The following GRIK4 variants were observed in gnomAD, a reference collection of about 807,000 sequenced individuals.
GRIK4 encodes the protein glutamate ionotropic receptor kainate type subunit 4.
In GRIK4, 40 loss-of-function variants were observed where a neutral mutation model predicts 104.9. The ratio of observed to expected loss-of-function variants is 0.38; its 90% CI spans 0.30 to 0.50. The LOEUF (loss-of-function observed/expected upper bound fraction) is 0.50. GRIK4 is among the 20% of genes least tolerant of loss of function. GRIK4 has a pLI of 0.93. For missense variants in GRIK4, 1,047 were observed against 1,308.1 expected, an observed-to-expected ratio of 0.80 and a Z score of 3.08; for synonymous variants, 485 against 524.9, an observed-to-expected ratio of 0.92 and a Z score of 1.04.
intron 3 of GRIK4, among the ~76,000 whole-genome samples, chr11:120,770,695 C>G (rs1951924841): frequency 6.6e-6 from 1 of 152,204 alleles, no homozygotes. Flanking sequence ...CCCTGCCAAA[C>G]TCATGTATAC....
intron 1 of GRIK4, among the ~76,000 whole-genome samples, chr11:120,547,309 C>T (rs2136092525): frequency 6.6e-6 from 1 of 152,318 alleles, no homozygotes; most frequent in South Asian, 2.1e-4. Flanking sequence ...AGGCCAGAGA[C>T]CTTGCCTTGG....
chr11:120,815,688 G>A (rs972864887), intron 5 of GRIK4, among the ~76,000 whole-genome samples: 1 of 152,156 alleles, frequency 6.6e-6, no homozygotes, highest in Non-Finnish European at 1.5e-5. Flanking sequence ...TTGACAGCAG[G>A]AATCTGAAGC....
At chr11:120,703,524 G>A (rs1035971525) in intron 3 of GRIK4, among the ~76,000 whole-genome samples, 1 of 151,818 alleles carries the variant, frequency 6.6e-6, no homozygotes. Context: ...GCCCAACCCA[G>A]GCTGTAAGGT....
chr11:120,517,175 T>C (rs1363131644), intron 1 of GRIK4, among the ~76,000 whole-genome samples: 1 of 149,218 alleles, frequency 6.7e-6, no homozygotes, highest in Non-Finnish European at 1.5e-5. Flanking sequence ...CCTTGTCCGC[T>C]TTGTTCACTG....
intron 1 of GRIK4, among the ~76,000 whole-genome samples, chr11:120,540,114 T>A (rs972545291): frequency 6.6e-6 from 1 of 151,936 alleles, no homozygotes; most frequent in Non-Finnish European, 1.5e-5. Flanking sequence ...CTCTTCCAGG[T>A]CTCTAGGGAG....
chr11:120,539,665 T>C (rs568689082), intron 1 of GRIK4, among the ~76,000 whole-genome samples: 1 of 152,328 alleles, frequency 6.6e-6, no homozygotes, highest in South Asian at 2.1e-4. Context: ...CAATATGTCT[T>C]TAAACTGGTT....
At chr11:120,802,500 A>C (rs1952638765) in intron 3 of GRIK4, among the ~76,000 whole-genome samples, 193 bp from the exon 4 acceptor site, 2 of 152,246 alleles carry the variant, frequency 1.3e-5, no homozygotes, top group South Asian at 4.2e-4. Context: ...TCACTTCTAC[A>C]CCTGGCTGCA....
chr11:120,534,892 A>G (rs1947957472), intron 1 of GRIK4, among the ~76,000 whole-genome samples: 1 of 152,130 alleles, frequency 6.6e-6, no homozygotes, highest in African/African-American at 2.4e-5. Context: ...TAGGGTGACC[A>G]ACCATCCTGG....
At chr11:120,832,568 G>A (rs1194140500) in intron 7 of GRIK4, among the ~76,000 whole-genome samples, 1 of 152,168 alleles carries the variant, frequency 6.6e-6, no homozygotes, top group African/African-American at 2.4e-5. Flanking sequence ...TCACAGAAGA[G>A]GGAACTGAGA....
chr11:120,517,676 C>T (rs77426942), intron 1 of GRIK4, among the ~76,000 whole-genome samples: 3,405 of 151,792 alleles, frequency 0.022, 248 homozygotes, highest in African/African-American at 0.077. Context: ...ATTGCTGCCT[C>T]GATTTCCGCC....
intron 3 of GRIK4, among the ~76,000 whole-genome samples, chr11:120,666,179 A>C (rs1201145667): frequency 1.3e-5 from 2 of 152,350 alleles, no homozygotes; most frequent in East Asian, 3.9e-4. Flanking sequence ...TCTTACACAC[A>C]TGTTAATTCA....
At chr11:120,731,392 C>A (rs1185692225) in intron 3 of GRIK4, among the ~76,000 whole-genome samples, 1 of 151,974 alleles carries the variant, frequency 6.6e-6, no homozygotes, top group Non-Finnish European at 1.5e-5. Flanking sequence ...ATATGTTGAA[C>A]TCCCTTGCAT....
At position 120,791,989 on chromosome 11, in the gene GRIK4, A is replaced by G. The variant is rs1323653029; in HGVS notation, c.83-10704A>G. On this transcript the variant is annotated intron_variant, in intron 3 of 20. Transcript: ENST00000527524. ...AGATTCTTGAAGTTCTCCTGCTGTC[A>G]GGCGAGGTCATTGCATTGGGGATGG... Among the ~76,000 whole-genome samples the G allele has an allele frequency of 2.0e-5, 3 of 152,246 alleles. No individual in the cohort carries two copies. The East Asian group carries it at 5.8e-4, about 29-fold the overall frequency.
intron 1 of GRIK4, among the ~76,000 whole-genome samples, chr11:120,597,204 C>T (rs1591724362): frequency 6.6e-6 from 1 of 152,100 alleles, no homozygotes; most frequent in African/African-American, 2.4e-5. Context: ...GAGGCAGCTC[C>T]ACTCACCTTG....
At chr11:120,985,289 C>T (rs542378) in intron 20 of GRIK4, among the ~76,000 whole-genome samples, 35,477 of 151,994 alleles carry the variant, frequency 0.23, 4,338 homozygotes, top group African/African-American at 0.3. Flanking sequence ...GAAATATGAG[C>T]GGGTTTGAAT....
In GRIK4 at chr11:120,574,980, C is replaced by T. The variant is rs535160367; in HGVS notation, c.-159+63093C>T. ...TGGGAACTAAAGACTATATCTTCTG[C>T]AAAGAACTCCCTTCATTTGCATTTC... On this transcript the variant is annotated intron_variant, in intron 1 of 20. Coordinates refer to ENST00000527524, the MANE Select transcript of GRIK4 (RefSeq NM_014619.5). 3.6e-4 allele frequency among the ~76,000 whole-genome samples: 55 copies of T among 152,322 alleles called. No individual in the cohort carries two copies. In the South Asian group the frequency reaches 4.8e-3, roughly 13 times the overall value.
intron 13 of GRIK4, among the ~76,000 whole-genome samples, chr11:120,922,899 C>A (rs1244094012): frequency 6.6e-6 from 1 of 152,196 alleles, no homozygotes. Flanking sequence ...GCTCTTGAGG[C>A]AACAATGCAA....
chr11:120,522,033 C>G (rs1449977357), intron 1 of GRIK4, among the ~76,000 whole-genome samples: 2 of 152,230 alleles, frequency 1.3e-5, no homozygotes, highest in Non-Finnish European at 2.9e-5. Context: ...TGTTGTCCCA[C>G]TTTACACATG....
intron 1 of GRIK4, among the ~76,000 whole-genome samples, chr11:120,633,430 G>A (rs151074340): frequency 6.6e-6 from 1 of 152,208 alleles, no homozygotes; most frequent in African/African-American, 2.4e-5. Context: ...GCCTTGTTCT[G>A]TGCACGTGAG....
Sources: gnomAD v4.1 joint callset for allele counts (sites outside exome capture counted in the v4.1 genomes callset) on GRCh38, gnomAD v4.1.1 for gene constraint, MANE v1.5 for transcripts, NCBI Gene and HGNC (gene_info 2026-07-23, HGNC 2026-07-21) for gene names.